RNF170: variants seen among roughly 807,000 people sequenced by gnomAD.
The protein encoded by RNF170 is E3 ubiquitin-protein ligase RNF170.
RNF170 carries 12 observed loss-of-function variants against 32.7 expected under a neutral mutation model. The ratio of observed to expected loss-of-function variants is 0.37; its 90% CI spans 0.24 to 0.60. The LOEUF is 0.60. Among genes scored for constraint, RNF170 ranks in the 20% least tolerant of loss-of-function variants. RNF170 has a pLI of 0.72. For missense variants in RNF170, 212 were observed against 311.2 expected (o/e 0.68, Z 2.40); for synonymous variants, 91 against 103.6 (o/e 0.88, Z 0.74).
At chr8:42,882,682 A>C (rs1805509157) in intron 2 of RNF170, among the ~76,000 whole-genome samples, 1 of 152,212 alleles carries the variant, frequency 6.6e-6, no homozygotes, top group African/African-American at 2.4e-5. Flanking sequence ...TAATGGAGAC[A>C]CAAAGTAGAA....
At position 42,855,019 on chromosome 8, in the gene RNF170, T is replaced by A; in HGVS notation, c.*1140A>T. 7.8e-7 allele frequency: 1 copy of A among 1,287,260 alleles called. No individual in the cohort carries two copies. The highest frequency in any genetic ancestry group is 1.0e-6 in the Non-Finnish European group (1 of 988,698). 79.7% of individuals were successfully genotyped at this position (1,287,260 alleles called of 1,614,324 possible). The stretch of plus-strand genomic sequence containing the variant: ...TGTCAAATGTAAATACCGTTCCCAG[T>A]ACCTTCCTATTGGCTTGATGCTCAA... On this transcript the variant is annotated 3_prime_UTR_variant, in exon 7 of 7. Transcript: ENST00000527424.
rs1301443006 is a variant in RNF170, at chr8:42,853,786, T to C, written c.*2373A>G. 10 of 1,287,258 alleles carry C rather than the reference T, an allele frequency of 7.8e-6. No individual in the cohort carries two copies. The highest frequency in any genetic ancestry group is 9.1e-6 in the Non-Finnish European group (9 of 988,696). The allele number at this position is 1,287,258 out of a possible 1,614,324, so 79.7% of individuals were successfully genotyped here. ...ATGACAACAAGCAGGTCTAAAGTTC[T>C]GAGATGTTAGCACATACCCTTTTCA... On this transcript the variant is annotated 3_prime_UTR_variant, in exon 7 of 7. Coordinates refer to ENST00000527424, the MANE Select transcript of RNF170 (RefSeq NM_030954.4).
intron 3 of RNF170, among the ~76,000 whole-genome samples, chr8:42,870,362 T>C (rs528616709): frequency 6.6e-5 from 10 of 152,338 alleles, no homozygotes; most frequent in Admixed American, 2.0e-4. Context: ...CAAGAGTTCA[T>C]CTTTTACTCT....
chr8:42,870,194 C>G (rs1320455104), intron 3 of RNF170, 82 bp from the exon 4 acceptor site: 1 of 937,800 alleles, frequency 1.1e-6, no homozygotes, highest in Non-Finnish European at 1.7e-6. Flanking sequence ...TATTTGAGAA[C>G]AGAGTCAGCA....
At chr8:42,897,238 A>C (rs1275162912), upstream of RNF170, 3 of 1,173,962 alleles carry the variant, frequency 2.6e-6, no homozygotes, top group African/African-American at 3.2e-5. Context: ...CCCGCCACCT[A>C]CCGGGACCCT....
At chr8:42,865,801 T>C (rs529343799) in intron 4 of RNF170, among the ~76,000 whole-genome samples, 1 of 152,266 alleles carries the variant, frequency 6.6e-6, no homozygotes, top group Admixed American at 6.5e-5. Flanking sequence ...GTGGCCAATA[T>C]GGTGAAACCC....
At chr8:42,858,646 G>T (rs777558164) in intron 6 of RNF170, among the ~76,000 whole-genome samples, 1 of 152,222 alleles carries the variant, frequency 6.6e-6, no homozygotes, top group South Asian at 2.1e-4. Context: ...TCCAAGGAGG[G>T]TCTACTTAAG....
intron 4 of RNF170, among the ~76,000 whole-genome samples, chr8:42,866,550 C>G (rs1434991014): frequency 6.7e-6 from 1 of 150,180 alleles, no homozygotes; most frequent in Non-Finnish European, 1.5e-5. Flanking sequence ...TGCCACTGCA[C>G]TATAGCCGGC....
At position 42,854,749 on chromosome 8, in the gene RNF170, G is replaced by T. The variant is rs1453383260; in HGVS notation, c.*1410C>A. ...GATCTCAGATGACAATGCTAACACT[G>T]ACTCCTGGGCATCCCCTCACATCCT... On this transcript the variant is annotated 3_prime_UTR_variant, in exon 7 of 7. Coordinates refer to ENST00000527424, the MANE Select transcript of RNF170 (RefSeq NM_030954.4). 3 of 1,287,306 alleles carry T rather than the reference G, an allele frequency of 2.3e-6. No individual in the cohort carries two copies. In the Admixed American group the frequency reaches 6.9e-5, roughly 30 times the overall value. The allele number at this position is 1,287,306 out of a possible 1,614,324, so 79.7% of individuals were successfully genotyped here. A position where few individuals can be genotyped will look rare whatever the true frequency, so the allele number is the denominator to read the frequency against.
intron 2 of RNF170, among the ~76,000 whole-genome samples, chr8:42,878,624 CTTTTA>C (rs913098687): frequency 6.6e-6 from 1 of 152,216 alleles, no homozygotes; most frequent in African/African-American, 2.4e-5. Flanking sequence ...AAAGTGCAAA[CTTTTA>C]TTTTATGGAA....
intron 2 of RNF170, among the ~76,000 whole-genome samples, chr8:42,884,020 C>G (rs1041465095): frequency 6.6e-6 from 1 of 152,118 alleles, no homozygotes; most frequent in African/African-American, 2.4e-5. Flanking sequence ...CATTTATCTC[C>G]ACCCACTGTT....
intron 1 of RNF170, chr8:42,889,294 T>C (rs1007948514): frequency 6.6e-6 from 1 of 151,928 alleles, no homozygotes; most frequent in East Asian, 1.9e-4. Flanking sequence ...TAGAGAAAAA[T>C]GGTAGTACCT....
At chr8:42,897,034 C>A, upstream of RNF170, 4 of 926,864 alleles carry the variant, frequency 4.3e-6, no homozygotes, top group Non-Finnish European at 5.7e-6. Context: ...AGCAGGCGGG[C>A]CTGAGGCCGA....
chr8:42,895,384 T>G (rs754178202), intron 1 of RNF170, among the ~76,000 whole-genome samples: 1 of 152,092 alleles, frequency 6.6e-6, no homozygotes, highest in African/African-American at 2.4e-5. Context: ...AAACCTACTC[T>G]TAATGGAAAA....
Position 42,853,466 on chromosome 8 carries a change from C to T in RNF170, c.*2693G>A. 2.3e-6 allele frequency: 3 copies of T among 1,287,106 alleles called. No homozygotes were observed. The highest frequency in any genetic ancestry group is 3.0e-6 in the Non-Finnish European group (3 of 988,636). 79.7% of individuals were successfully genotyped at this position (1,287,106 alleles called of 1,614,324 possible). On this transcript the variant is annotated 3_prime_UTR_variant, in exon 7 of 7. Coordinates refer to ENST00000527424, the MANE Select transcript of RNF170 (RefSeq NM_030954.4). ...CCTTTCTTCCCTTGTACCTCTCAAACACTGAGAATTGTAGTAGTTGAAACC... is the reference window on the plus strand; with the variant it reads ...CCTTTCTTCCCTTGTACCTCTCAAATACTGAGAATTGTAGTAGTTGAAACC...
chr8:42,853,142 A>C (rs1043021564), downstream of RNF170, among the ~76,000 whole-genome samples: 1 of 152,066 alleles, frequency 6.6e-6, no homozygotes, highest in Non-Finnish European at 1.5e-5. Context: ...AAACAAACAC[A>C]CAAACAAAAT....
chr8:42,893,154 G>A (rs774419467), intron 1 of RNF170, among the ~76,000 whole-genome samples: 2 of 152,080 alleles, frequency 1.3e-5, no homozygotes, highest in African/African-American at 4.8e-5. Flanking sequence ...TGTTAGTAGT[G>A]CGCAGGGTCT....
intron 2 of RNF170, among the ~76,000 whole-genome samples, chr8:42,875,039 C>A (rs552516904): frequency 6.6e-6 from 1 of 151,938 alleles, no homozygotes; most frequent in Non-Finnish European, 1.5e-5. Flanking sequence ...GGCTTAGTGG[C>A]GAATGCCTGT....
intron 3 of RNF170, 47 bp from the exon 4 acceptor site, chr8:42,870,159 C>T: frequency 7.7e-7 from 1 of 1,295,556 alleles, no homozygotes; most frequent in Non-Finnish European, 1.1e-6. Context: ...ACATGTGGCC[C>T]TCAACAGTAT....
Sources: allele counts gnomAD v4.1 joint callset (sites outside exome capture counted in the v4.1 genomes callset), GRCh38; gene constraint gnomAD v4.1.1; transcripts MANE v1.5; gene names NCBI Gene and HGNC (gene_info 2026-07-23, HGNC 2026-07-21).